Variants in RENBP observed in about 807,000 individuals in gnomAD.
RENBP encodes N-acylglucosamine 2-epimerase.
Under a neutral mutation model 37.8 loss-of-function variants are expected in RENBP, and 16 were observed. The ratio of observed to expected loss-of-function variants is 0.42; its 90% CI spans 0.29 to 0.64. The LOEUF (loss-of-function observed/expected upper bound fraction) is 0.64, where lower values mean the gene tolerates loss of function less well. Ranked by LOEUF, RENBP falls within the 30% of genes least tolerant of loss-of-function variation. RENBP has a pLI of 0.19. For missense variants in RENBP, 347 were observed against 379.5 expected (o/e 0.91, Z 0.71); for synonymous variants, 170 against 154.8 (o/e 1.10, Z -0.73).
intron 7 of RENBP, 114 bp from the exon 8 acceptor site, chrX:153,941,767 G>T (rs1184369677): frequency 4.0e-6 from 3 of 748,330 alleles, no homozygotes; most frequent in Non-Finnish European, 5.8e-6. Flanking sequence ...AATGAGCGAG[G>T]CTCTGAGCTC....
At chrX:153,939,591 C>G (rs1340904696) in intron 9 of RENBP, among the ~76,000 whole-genome samples, 1 of 111,797 alleles carries the variant, frequency 8.9e-6, no homozygotes, top group Non-Finnish European at 1.9e-5. Context: ...TCCCTACAGA[C>G]TTCCCCCATA....
intron 5 of RENBP, 160 bp downstream of exon 5, chrX:153,943,386 G>A: frequency 1.3e-5 from 7 of 557,130 alleles, no homozygotes; most frequent in Non-Finnish European, 1.7e-5. Flanking sequence ...GGCCCTCTCC[G>A]TCTGCGCCCC....
In RENBP at chrX:153,943,659, C is replaced by G; in HGVS notation, c.349G>C (p.Val117Leu). 1 of 1,211,704 alleles carries G rather than the reference C, an allele frequency of 8.3e-7. No homozygotes were observed. Among genetic ancestry groups the G allele is most frequent in the Non-Finnish European group, 1.1e-6 (1 of 895,518 alleles). ...VAPPGKKCAF[V>L]LTRDGRPVKV... ...ACCGGGCGGCCGTCCCGAGTCAGCACAAAGGCACACTTCTTGCCAGGAGGT... is the reference window on the plus strand; with the variant it reads ...ACCGGGCGGCCGTCCCGAGTCAGCAGAAAGGCACACTTCTTGCCAGGAGGT... Residue 117 changes from valine to leucine, a missense_variant, in exon 5 of 11, where the codon GTG becomes CTG. Physicochemically the swap from Val to Leu is conservative, Grantham distance 32. Around this residue, in one of 3 missense-constraint regions of RENBP, gnomAD observed 244 missense variants for 279.4 expected, o/e 0.87. Transcript: ENST00000393700.
At chrX:153,939,957 T>C (rs2065219211) in intron 9 of RENBP, 145 bp downstream of exon 9, 9 of 754,809 alleles carry the variant, frequency 1.2e-5, no homozygotes, top group East Asian at 3.3e-5. Context: ...GGCTTCTTCG[T>C]TGACTGAACG....
intron 9 of RENBP, 82 bp downstream of exon 9, chrX:153,940,020 C>A (rs1336779336): frequency 5.7e-5 from 63 of 1,104,804 alleles, no homozygotes; most frequent in African/African-American, 7.3e-5. Flanking sequence ...CTGTGCTCAG[C>A]GAGGGGGCAA....
chrX:153,942,910 C>G lies in RENBP; in HGVS notation c.632G>C (p.Gly211Ala), dbSNP rs782344479. The G allele has an allele frequency of 8.3e-7, 1 of 1,211,352 alleles. No homozygotes were observed. The highest frequency in any genetic ancestry group is 1.8e-5 in the South Asian group (1 of 57,048). ...CCAGTCCCCCAGCTCTGCGTATTTG[C>G]CCGCCAGCTCCTCATCTGCCTCCCC... is the stretch of plus-strand genomic sequence containing the variant. ...QLGEADEELA[G>A]KYAELGDWCA... Residue 211 changes from glycine (G) to alanine (A), a missense_variant, in exon 6 of 11, where the codon GGC (glycine) becomes GCC (alanine). This residue lies in a region of RENBP where 244 missense variants were observed against 279.4 expected (regional missense o/e 0.87). Coordinates refer to ENST00000393700, the MANE Select transcript of RENBP (RefSeq NM_002910.6).
chrX:153,935,636 T>C, intron 9 of RENBP, 60 bp from the exon 10 acceptor site: 2 of 979,869 alleles, frequency 2.0e-6, no homozygotes, highest in African/African-American at 1.9e-5. Flanking sequence ...TGCCACTGCA[T>C]CGCTACCAGG....
At chrX:153,942,223 AGTT>A (rs1557109688) in intron 6 of RENBP, 192 bp from the exon 7 acceptor site, 3 of 238,282 alleles carry the variant, frequency 1.3e-5, no homozygotes, top group East Asian at 7.2e-5. Flanking sequence ...GGGCCTAGCA[AGTT>A]GTTGTTTTTT....
In RENBP at chrX:153,940,250, G is replaced by C. The variant is rs2065220596; in HGVS notation, c.946-17C>G. 8.3e-7 allele frequency: 1 copy of C among 1,209,785 alleles called. No individual in the cohort carries two copies. The highest frequency in any genetic ancestry group is 1.1e-6 in the Non-Finnish European group (1 of 894,603). ...CCACTCCAGCTGAGGGGAGAGCAGG[G>C]GCAGGCATCTCAGCAGGAAACTCCC... On this transcript the variant is annotated splice_polypyrimidine_tract_variant and intron_variant, in intron 8 of 10. Coordinates refer to ENST00000393700, the MANE Select transcript of RENBP (RefSeq NM_002910.6).
chrX:153,935,550 C>T lies in RENBP; in HGVS notation c.1104G>A (p.Trp368Ter). ...RQFRDPEYGE[W>*]FGYLSREGKV... The stretch of plus-strand genomic sequence containing the variant: ...TGCCCTCTCGGCTCAGGTAGCCAAA[C>T]CATTCCCCGTACTCGGGATCGCGAA... The change falls in exon 10 of 11, where the codon TGG becomes TGA. Residue 368 changes from tryptophan to a stop codon, truncating the protein, a stop_gained. Coordinates refer to ENST00000393700, the MANE Select transcript of RENBP (RefSeq NM_002910.6). LOFTEE classifies it high-confidence loss of function. The T allele has an allele frequency of 8.3e-7, 1 of 1,210,610 alleles. No individual in the cohort carries two copies. Among genetic ancestry groups the T allele is most frequent in the Non-Finnish European group, 1.1e-6 (1 of 894,867 alleles).
chrX:153,941,000 A>C (rs1056019749), intron 8 of RENBP, among the ~76,000 whole-genome samples: 4 of 109,346 alleles, frequency 3.7e-5, no homozygotes, highest in Admixed American at 9.7e-5. Context: ...TTAGCCAGGC[A>C]TGGTGGCCCA....
Position 153,944,167 on chromosome X carries a change from C to T in RENBP, c.138-12G>A. ...ACGTGAAGAAGCCCCTGTGGGAAGG[C>T]AGGGTTAGCAAAGTCTGGAACGGGC... is the stretch of plus-strand genomic sequence containing the variant. On this transcript the variant is annotated splice_polypyrimidine_tract_variant and intron_variant, in intron 2 of 10. Transcript: ENST00000393700. The T allele has an allele frequency of 8.3e-7, 1 of 1,207,381 alleles. No individual in the cohort carries two copies. The highest frequency in any genetic ancestry group is 3.0e-5 in the East Asian group (1 of 33,809).
At position 153,935,584 on chromosome X, in the gene RENBP, A is replaced by C; in HGVS notation, c.1078-8T>G. On this transcript the variant is annotated splice_polypyrimidine_tract_variant and splice_region_variant and intron_variant, in intron 9 of 10. Transcript: ENST00000393700. The stretch of plus-strand genomic sequence containing the variant: ...GTACTCGGGATCGCGAAACTGGAAT[A>C]ACAGAGACAGTGACAGCTAGCGCCT... The C allele has an allele frequency of 1.7e-6, 2 of 1,199,180 alleles. No individual in the cohort carries two copies. The highest frequency in any genetic ancestry group is 3.5e-5 in the South Asian group (2 of 56,680).
chrX:153,942,324 C>T (rs1557109716), intron 6 of RENBP: 3 of 223,188 alleles, frequency 1.3e-5, no homozygotes. Flanking sequence ...ACAATCTCCA[C>T]CTCCTGGGTT....
At chrX:153,937,749 C>T (rs1471680840) in intron 9 of RENBP, among the ~76,000 whole-genome samples, 1 of 111,141 alleles carries the variant, frequency 9.0e-6, no homozygotes, top group Non-Finnish European at 1.9e-5. Context: ...CCCGCCACCA[C>T]ACCCGGCTAA....
Position 153,943,660 on chromosome X carries a change from A to G in RENBP, c.348T>C (p.Phe116=). ...CCGGGCGGCCGTCCCGAGTCAGCAC[A>G]AAGGCACACTTCTTGCCAGGAGGTG... is the stretch of plus-strand genomic sequence containing the variant. ...RVAPPGKKCA[F]VLTRDGRPVK... Residue 116 remains phenylalanine (F), a synonymous_variant, in exon 5 of 11, where the codon TTT becomes TTC. Transcript: ENST00000393700. 1.7e-6 allele frequency: 2 copies of G among 1,211,467 alleles called. No individual in the cohort carries two copies. Among genetic ancestry groups the G allele is most frequent in the Non-Finnish European group, 2.2e-6 (2 of 895,422 alleles).
At chrX:153,938,705 G>A (rs957750327) in intron 9 of RENBP, among the ~76,000 whole-genome samples, 8 of 108,765 alleles carry the variant, frequency 7.4e-5, no homozygotes, top group African/African-American at 2.0e-4. Context: ...TTCTTCCTGC[G>A]TCACCACTGA....
intron 8 of RENBP, 151 bp downstream of exon 8, chrX:153,941,327 G>C (rs997198641): frequency 3.7e-6 from 2 of 539,271 alleles, no homozygotes; most frequent in Non-Finnish European, 6.0e-6. Flanking sequence ...TCTGGATCAC[G>C]ACCCCTTTCC....
rs374422791 is a variant in RENBP, at chrX:153,935,419, G to A, written c.1166-15C>T. 329 of 1,143,070 alleles carry A rather than the reference G, an allele frequency of 2.9e-4. 1 individual carries two copies. In the African/African-American group the frequency reaches 5.4e-3, roughly 19 times the overall value. 94.2% of individuals were successfully genotyped at this position (1,143,070 alleles called of 1,213,427 possible). ...GTGGAAGCAGCCTGCGGGTAGAGGC[G>A]GGCAGGTAGTGAGGGCCGGGGGCAG... On this transcript the variant is annotated splice_polypyrimidine_tract_variant and intron_variant, in intron 10 of 10. Coordinates refer to ENST00000393700, the MANE Select transcript of RENBP (RefSeq NM_002910.6).
Sources: gnomAD v4.1 joint callset for allele counts (sites outside exome capture counted in the v4.1 genomes callset) on GRCh38, gnomAD v4.1.1 for gene constraint, gnomAD v4.1.1 regional missense constraint, MANE v1.5 for transcripts, NCBI Gene and HGNC (gene_info 2026-07-23, HGNC 2026-07-21) for gene names.